CTNNA2: variants seen among roughly 807,000 people sequenced by gnomAD.
The protein encoded by CTNNA2 is catenin alpha 2, also known as catenin alpha-2.
Under a neutral mutation model 101.0 loss-of-function variants are expected in CTNNA2, and 42 were observed. That is an observed-to-expected ratio of 0.42 (90% confidence interval 0.32 to 0.54). The LOEUF (loss-of-function observed/expected upper bound fraction) is 0.54, where lower values mean the gene tolerates loss of function less well. Among genes scored for constraint, CTNNA2 ranks in the 20% least tolerant of loss-of-function variants. The pLI is 0.14. For missense variants in CTNNA2, 871 were observed against 1,223.1 expected, an observed-to-expected ratio of 0.71 and a Z score of 4.29; for synonymous variants, 450 against 456.4, an observed-to-expected ratio of 0.99 and a Z score of 0.18.
intron 3 of CTNNA2, among the ~76,000 whole-genome samples, chr2:79,799,713 C>T (rs1676010364): frequency 6.6e-6 from 1 of 152,176 alleles, no homozygotes; most frequent in South Asian, 2.1e-4. Context: ...CTGAAAGGAG[C>T]TTCAAATTCA....
At chr2:80,258,109 T>C (rs1672315210) in intron 7 of CTNNA2, among the ~76,000 whole-genome samples, 1 of 152,186 alleles carries the variant, frequency 6.6e-6, no homozygotes, top group Non-Finnish European at 1.5e-5. Context: ...TTCTAACAGA[T>C]GGATGTAAAG....
intron 7 of CTNNA2, among the ~76,000 whole-genome samples, chr2:80,213,338 C>G (rs1009957645): frequency 2.6e-5 from 4 of 152,108 alleles, no homozygotes; most frequent in African/African-American, 4.8e-5. Context: ...CCTGCTTTCT[C>G]TTGTGGGCAT....
intron 2 of CTNNA2, among the ~76,000 whole-genome samples, chr2:79,217,571 G>C (rs763091216): frequency 2.0e-5 from 3 of 152,148 alleles, no homozygotes; most frequent in Non-Finnish European, 4.4e-5. Flanking sequence ...ATTTCACAAG[G>C]AGTTAAGGCA....
chr2:80,499,478 G>A (rs2149530247), intron 9 of CTNNA2, among the ~76,000 whole-genome samples: 1 of 152,142 alleles, frequency 6.6e-6, no homozygotes, highest in South Asian at 2.1e-4. Context: ...TTGCTTTATA[G>A]TGTCATTGGC....
In CTNNA2 at chr2:80,574,285, G is replaced by A. The variant is rs757806141; in HGVS notation, c.1864G>A (p.Asp622Asn). The A allele has an allele frequency of 6.2e-7, 1 of 1,613,084 alleles. No homozygotes were observed. Among genetic ancestry groups the A allele is most frequent in the South Asian group, 1.1e-5 (1 of 91,010 alleles). Reference protein sequence around the residue: ...ASRLVYDGVRDIRKAVLMIRT... With the variant: ...ASRLVYDGVRNIRKAVLMIRT... ...TCGCCTGGTGTATGATGGCGTTCGGGACATCAGAAAGGCTGTGCTGATGAT... is the reference window on the plus strand; with the variant it reads ...TCGCCTGGTGTATGATGGCGTTCGGAACATCAGAAAGGCTGTGCTGATGAT... The change falls in exon 13 of 19, where the codon GAC (aspartate) becomes AAC (asparagine). Residue 622 changes from aspartate (D) to asparagine (N), a missense_variant. Asp to Asn is a conservative substitution (Grantham distance 23, BLOSUM62 1). Coordinates refer to ENST00000402739, the MANE Select transcript of CTNNA2 (RefSeq NM_001282597.3).
rs1408202039 is a variant in CTNNA2 at position 80,448,290 on chromosome 2, G to C, written c.1290+28689G>C. 2.0e-5 allele frequency among the ~76,000 whole-genome samples: 3 copies of C among 152,172 alleles called. No individual in the cohort carries two copies. The East Asian group carries it at 5.8e-4, about 29-fold the overall frequency. Reference sequence around the variant, plus strand: ...GCAAGGGAGGAGTGGGTATTTTAGGGTGATGCTTAGCAATAAGGGTGAATT... The same window carrying C: ...GCAAGGGAGGAGTGGGTATTTTAGGCTGATGCTTAGCAATAAGGGTGAATT... On this transcript the variant is annotated intron_variant, in intron 9 of 18. Transcript: ENST00000402739.
intron 4 of CTNNA2, among the ~76,000 whole-genome samples, chr2:79,429,898 C>T (rs936008310): frequency 6.6e-6 from 1 of 152,156 alleles, no homozygotes; most frequent in East Asian, 1.9e-4. Flanking sequence ...CTTAAGATTA[C>T]ACCTAGCATC....
chr2:80,494,759 A>G (rs1022555140), intron 9 of CTNNA2, among the ~76,000 whole-genome samples: 2 of 133,998 alleles, frequency 1.5e-5, no homozygotes, highest in East Asian at 3.9e-4. Context: ...AGGCAAATTT[A>G]TGACTCATAG....
intron 9 of CTNNA2, among the ~76,000 whole-genome samples, chr2:80,479,007 C>G (rs1685941606): frequency 7.3e-6 from 1 of 136,226 alleles, no homozygotes; most frequent in Admixed American, 7.6e-5. Context: ...AATCCATGAG[C>G]ATGGGTTTTT....
At chr2:80,119,964 G>A (rs1003197916) in intron 7 of CTNNA2, among the ~76,000 whole-genome samples, 1 of 152,154 alleles carries the variant, frequency 6.6e-6, no homozygotes, top group African/African-American at 2.4e-5. Flanking sequence ...ATAAACAATA[G>A]CCTTTGGTTT....
intron 7 of CTNNA2, among the ~76,000 whole-genome samples, chr2:80,084,524 C>T (rs889077455): frequency 2.0e-4 from 31 of 152,210 alleles, no homozygotes; most frequent in African/African-American, 7.0e-4. Flanking sequence ...CGGGAACACA[C>T]AATCAGCTCG....
rs1388535619 is a variant in CTNNA2, at chr2:80,501,160, A to G, written c.1291-43822A>G. ...CTGCTTTATTTGGCATAATGCCGAT[A>G]CAAGGATCAATTACATCTTAATGAT... On this transcript the variant is annotated intron_variant, in intron 9 of 18. Transcript: ENST00000402739. Among the ~76,000 whole-genome samples, 3 of 152,352 alleles carry G rather than the reference A, an allele frequency of 2.0e-5. No individual in the cohort carries two copies. The East Asian group carries it at 5.8e-4, about 29-fold the overall frequency.
intron 9 of CTNNA2, among the ~76,000 whole-genome samples, chr2:80,453,443 C>G (rs1018918792): frequency 6.6e-6 from 1 of 151,802 alleles, no homozygotes; most frequent in African/African-American, 2.4e-5. Flanking sequence ...GGTGGATAGA[C>G]TCTAATATGG....
At chr2:80,500,172 T>G (rs1254265851) in intron 9 of CTNNA2, among the ~76,000 whole-genome samples, 1 of 152,190 alleles carries the variant, frequency 6.6e-6, no homozygotes, top group African/African-American at 2.4e-5. Context: ...TAGATACTTT[T>G]TAATATATAA....
At chr2:80,564,456 G>C (rs1693872476) in intron 12 of CTNNA2, among the ~76,000 whole-genome samples, 1 of 151,266 alleles carries the variant, frequency 6.6e-6, no homozygotes, top group Non-Finnish European at 1.5e-5. Flanking sequence ...GACAAGAGCA[G>C]ATGGATGCTC....
At chr2:79,561,484 A>T (rs10174780) in intron 1 of CTNNA2, among the ~76,000 whole-genome samples, 6,408 of 152,012 alleles carry the variant, frequency 0.042, 213 homozygotes, top group African/African-American at 0.088. Context: ...GGTAACGCTA[A>T]GTTCAATTTT....
chr2:80,404,215 G>A (rs577990696), intron 8 of CTNNA2, among the ~76,000 whole-genome samples: 4 of 152,210 alleles, frequency 2.6e-5, no homozygotes, highest in African/African-American at 7.2e-5. Context: ...TCTGATGGTT[G>A]TTTACATTTC....
At chr2:80,024,061 T>G (rs1158898586) in intron 7 of CTNNA2, among the ~76,000 whole-genome samples, 1 of 134,956 alleles carries the variant, frequency 7.4e-6, no homozygotes, top group East Asian at 2.5e-4. Flanking sequence ...CACTTCAGCC[T>G]GGGCGACAGA....
intron 18 of CTNNA2, among the ~76,000 whole-genome samples, chr2:80,640,959 C>A (rs1388052523): frequency 6.6e-6 from 1 of 152,124 alleles, no homozygotes; most frequent in Non-Finnish European, 1.5e-5. Context: ...TTAGAACAAC[C>A]CCCTTAAAAT....
Sources: allele counts gnomAD v4.1 joint callset (sites outside exome capture counted in the v4.1 genomes callset), GRCh38; gene constraint gnomAD v4.1.1; transcripts MANE v1.5; gene names NCBI Gene and HGNC (gene_info 2026-07-23, HGNC 2026-07-21).